Variants in CPQ observed in about 807,000 individuals in gnomAD.
CPQ encodes Ser-Met dipeptidase.
CPQ carries 37 observed loss-of-function variants against 45.7 expected under a neutral mutation model. The ratio of observed to expected loss-of-function variants is 0.81; its 90% CI spans 0.62 to 1.07. The LOEUF is 1.07. Among genes scored for constraint, CPQ ranks in the 50% least tolerant of loss-of-function variants. The pLI is 0.00. For missense variants in CPQ, 537 were observed against 572.9 expected (o/e 0.94, Z 0.64); for synonymous variants, 186 against 205.8 (o/e 0.90, Z 0.82).
chr8:97,092,090 T>C (rs1013357251), intron 7 of CPQ, among the ~76,000 whole-genome samples: 3 of 152,184 alleles, frequency 2.0e-5, no homozygotes, highest in Admixed American at 6.6e-5. Context: ...ACTGAAACCG[T>C]ATACTGCTAA....
chr8:96,993,066 A>G (rs138740170), intron 5 of CPQ, among the ~76,000 whole-genome samples: 2 of 152,326 alleles, frequency 1.3e-5, no homozygotes, highest in East Asian at 1.9e-4. Context: ...CACCATAGCC[A>G]TTGAAATGGA....
intron 2 of CPQ, among the ~76,000 whole-genome samples, chr8:96,822,441 A>T (rs902413533): frequency 2.6e-5 from 4 of 152,004 alleles, no homozygotes; most frequent in African/African-American, 4.8e-5. Flanking sequence ...TTGCTGGGTC[A>T]TATGGTAGCC....
intron 5 of CPQ, among the ~76,000 whole-genome samples, chr8:96,972,985 C>T (rs1473678965): frequency 6.6e-6 from 1 of 152,054 alleles, no homozygotes; most frequent in Non-Finnish European, 1.5e-5. Context: ...TCTTTTACAT[C>T]CCCCAAAAGA....
At chr8:96,923,809 GA>G (rs546657292) in intron 4 of CPQ, among the ~76,000 whole-genome samples, 6 of 151,710 alleles carry the variant, frequency 4.0e-5, no homozygotes, top group East Asian at 1.9e-4. Context: ...AGGAAAGGGG[GA>G]AAAAAAACAA....
At chr8:96,743,247 C>G (rs1462950512) in intron 1 of CPQ, among the ~76,000 whole-genome samples, 5 of 152,088 alleles carry the variant, frequency 3.3e-5, no homozygotes, top group African/African-American at 1.2e-4. Flanking sequence ...CGTTGATACC[C>G]TTTCTTCCAG....
intron 1 of CPQ, among the ~76,000 whole-genome samples, chr8:96,730,764 C>T (rs370199589): frequency 7.3e-5 from 11 of 151,042 alleles, no homozygotes; most frequent in African/African-American, 2.4e-4. Context: ...GAATTTGTCT[C>T]AGGTGTGGCC....
chr8:96,663,024 A>C (rs1324830848), intron 1 of CPQ, among the ~76,000 whole-genome samples: 1 of 152,214 alleles, frequency 6.6e-6, no homozygotes, highest in African/African-American at 2.4e-5. Context: ...TAAACTTTCT[A>C]GAGAATGGGT....
chr8:96,729,790 C>G (rs1423512128), intron 1 of CPQ, among the ~76,000 whole-genome samples: 1 of 152,056 alleles, frequency 6.6e-6, no homozygotes, highest in Non-Finnish European at 1.5e-5. Context: ...CCCAAATTGT[C>G]TTTTGCAGCC....
chr8:96,856,809 C>T (rs955699393), intron 3 of CPQ, among the ~76,000 whole-genome samples: 5 of 152,230 alleles, frequency 3.3e-5, no homozygotes, highest in Non-Finnish European at 7.3e-5. Flanking sequence ...AAGGAAAAAC[C>T]TCTTCTCTAG....
At chr8:96,696,419 T>G (rs111455229) in intron 1 of CPQ, among the ~76,000 whole-genome samples, 3,576 of 151,248 alleles carry the variant, frequency 0.024, 153 homozygotes, top group African/African-American at 0.082. Flanking sequence ...TGTGCACATG[T>G]ACCCTAAAAC....
In CPQ at chr8:96,840,553, C is replaced by T. The variant is rs936971376; in HGVS notation, c.641+5373C>T. On this transcript the variant is annotated intron_variant, in intron 3 of 7. Coordinates refer to ENST00000220763, the MANE Select transcript of CPQ (RefSeq NM_016134.4). ...GGTCCAGCAATCTGGTTTAACAAGC[C>T]CTCCAGGTGATTCTGATACACATTA... is the stretch of plus-strand genomic sequence containing the variant. Among the ~76,000 whole-genome samples, 15 of 152,142 alleles carry T rather than the reference C, an allele frequency of 9.9e-5. 1 individual carries two copies. Among genetic ancestry groups the T allele is most frequent in the East Asian group, 1.9e-4 (1 of 5,166 alleles).
At chr8:96,914,407 C>G (rs568548231) in intron 4 of CPQ, among the ~76,000 whole-genome samples, 2 of 152,242 alleles carry the variant, frequency 1.3e-5, no homozygotes, top group South Asian at 4.1e-4. Context: ...TTTTGTGGTA[C>G]TTTCAGCAAG....
At chr8:96,702,591 T>G (rs771857688) in intron 1 of CPQ, among the ~76,000 whole-genome samples, 6 of 152,158 alleles carry the variant, frequency 3.9e-5, no homozygotes, top group Non-Finnish European at 7.4e-5. Flanking sequence ...TATTAAGTCT[T>G]TTAAGCTTCA....
intron 7 of CPQ, among the ~76,000 whole-genome samples, chr8:97,090,342 C>T (rs1811107522): frequency 6.6e-6 from 1 of 152,196 alleles, no homozygotes; most frequent in Non-Finnish European, 1.5e-5. Context: ...CTAATTTCTA[C>T]ATGATGGTGT....
intron 6 of CPQ, among the ~76,000 whole-genome samples, chr8:97,064,001 A>G (rs959747202): frequency 1.1e-4 from 16 of 152,180 alleles, no homozygotes; most frequent in African/African-American, 3.9e-4. Context: ...TTCTGTGAAG[A>G]ATGTCATTGG....
intron 4 of CPQ, among the ~76,000 whole-genome samples, chr8:96,906,561 T>C (rs1812580201): frequency 6.6e-6 from 1 of 152,172 alleles, no homozygotes; most frequent in African/African-American, 2.4e-5. Context: ...TACCACCAAC[T>C]ACATAGCTTA....
intron 6 of CPQ, among the ~76,000 whole-genome samples, chr8:97,049,992 AT>A (rs1810330356): frequency 6.6e-6 from 1 of 152,078 alleles, no homozygotes; most frequent in South Asian, 2.1e-4. Context: ...TTTACACTTA[AT>A]TTTTAATTTT....
chr8:97,140,331 ATAAT>A lies in CPQ; in HGVS notation c.1256-2687_1256-2684del, dbSNP rs1196422641. Among the ~76,000 whole-genome samples, 5 of 151,844 alleles carry A rather than the reference ATAAT, an allele frequency of 3.3e-5. No individual in the cohort carries two copies. In the East Asian group the frequency reaches 5.8e-4, roughly 18 times the overall value. Reference sequence around the variant, plus strand: ...GTTCTACAAAATAACCAGGAAATAAATAATTCTAATCTTACACAAACTATCCCAG... The same window carrying A: ...GTTCTACAAAATAACCAGGAAATAAATCTAATCTTACACAAACTATCCCAG... On this transcript the variant is annotated intron_variant, in intron 7 of 7. Coordinates refer to ENST00000220763, the MANE Select transcript of CPQ (RefSeq NM_016134.4).
At chr8:96,710,088 G>C (rs1400505047) in intron 1 of CPQ, among the ~76,000 whole-genome samples, 2 of 151,800 alleles carry the variant, frequency 1.3e-5, no homozygotes, top group Non-Finnish European at 2.9e-5. Context: ...GTTTATTCAG[G>C]GTTTCTATTT....
Sources: allele counts gnomAD v4.1 joint callset (sites outside exome capture counted in the v4.1 genomes callset), GRCh38; gene constraint gnomAD v4.1.1; transcripts MANE v1.5; gene names NCBI Gene and HGNC (gene_info 2026-07-23, HGNC 2026-07-21).